The following MCTP2 variants were observed in gnomAD, a reference collection of about 807,000 sequenced individuals.
The protein encoded by MCTP2 is multiple C2 and transmembrane domain-containing protein 2.
MCTP2 carries 132 observed loss-of-function variants against 111.6 expected under a neutral mutation model. That is an observed-to-expected ratio of 1.18 (90% CI 1.03 to 1.37). The LOEUF is 1.37. MCTP2 is among the 40% of genes most tolerant of loss of function. MCTP2 has a pLI of 0.00. For missense variants in MCTP2, 1,183 were observed against 1,067.9 expected, an observed-to-expected ratio of 1.11 and a Z score of -1.50; for synonymous variants, 395 against 387.7, an observed-to-expected ratio of 1.02 and a Z score of -0.22.
At chr15:94,352,185 C>A (rs2078341182) in intron 8 of MCTP2, among the ~76,000 whole-genome samples, 1 of 152,168 alleles carries the variant, frequency 6.6e-6, no homozygotes, top group Non-Finnish European at 1.5e-5. Flanking sequence ...ATGAGGATTC[C>A]CTACCTGTTT....
At chr15:94,355,083 G>A (rs2078542566) in intron 8 of MCTP2, among the ~76,000 whole-genome samples, 1 of 151,902 alleles carries the variant, frequency 6.6e-6, no homozygotes, top group African/African-American at 2.4e-5. Flanking sequence ...TGGATCATGT[G>A]GGGATCCCGA....
intron 1 of MCTP2, among the ~76,000 whole-genome samples, chr15:94,297,960 C>A (rs2075352510): frequency 6.6e-6 from 1 of 151,352 alleles, no homozygotes; most frequent in Non-Finnish European, 1.5e-5. Flanking sequence ...CTTATCATCT[C>A]ATTCTTCGTT....
At chr15:94,380,607 A>G (rs1639266848) in intron 12 of MCTP2, among the ~76,000 whole-genome samples, 1 of 152,074 alleles carries the variant, frequency 6.6e-6, no homozygotes, top group Non-Finnish European at 1.5e-5. Context: ...GTCTCCACTA[A>G]AAATACAAAA....
intron 1 of MCTP2, among the ~76,000 whole-genome samples, chr15:94,270,266 A>G (rs1027781981): frequency 3.3e-5 from 5 of 152,300 alleles, no homozygotes; most frequent in East Asian, 3.9e-4. Flanking sequence ...AGAGGCTTCA[A>G]TTTCGGGCAC....
intron 1 of MCTP2, among the ~76,000 whole-genome samples, chr15:94,255,039 A>AT (rs1050069513): frequency 2.0e-5 from 3 of 152,188 alleles, no homozygotes; most frequent in Admixed American, 6.5e-5. Context: ...TGGAGACACA[A>AT]TTTTTTAGAA....
chr15:94,476,185 A>G (rs1023716714), intron 21 of MCTP2, among the ~76,000 whole-genome samples: 2 of 151,852 alleles, frequency 1.3e-5, no homozygotes, highest in Non-Finnish European at 2.9e-5. Context: ...CAAGAAAACA[A>G]CTCCCGCCCT....
At chr15:94,338,803 C>A (rs2077494246) in intron 4 of MCTP2, among the ~76,000 whole-genome samples, 2 of 152,308 alleles carry the variant, frequency 1.3e-5, no homozygotes, top group South Asian at 4.1e-4. Context: ...TCACTTGTAG[C>A]CCCATCGTGC....
At chr15:94,427,588 A>G (rs1460221928) in intron 17 of MCTP2, among the ~76,000 whole-genome samples, 1 of 152,174 alleles carries the variant, frequency 6.6e-6, no homozygotes, top group Non-Finnish European at 1.5e-5. Flanking sequence ...GTTCACCCGC[A>G]TGATTTAATC....
At position 94,483,779 on chromosome 15, in the gene MCTP2, A is replaced by T. The variant is rs1450626431; in HGVS notation, c.*4745A>T. 5 of 152,146 alleles carry T rather than the reference A, an allele frequency of 3.3e-5. No homozygotes were observed. The highest frequency in any genetic ancestry group is 5.9e-5 in the Non-Finnish European group (4 of 68,016). The allele number at this position is 152,146 out of a possible 1,614,324, so 9.4% of individuals were successfully genotyped here. A position where few individuals can be genotyped will look rare whatever the true frequency, so the allele number is the denominator to read the frequency against. ...AGGCTTAATACATGGGCGATGAAAT[A>T]ATCTGTATGACAAGCCTCTCTGACA... On this transcript the variant is annotated 3_prime_UTR_variant, in exon 23 of 23. Transcript: ENST00000357742.
At chr15:94,464,707 TATTCTC>T (rs2073120617) in intron 20 of MCTP2, among the ~76,000 whole-genome samples, 1 of 152,062 alleles carries the variant, frequency 6.6e-6, no homozygotes, top group Non-Finnish European at 1.5e-5. Flanking sequence ...TGGCATGTAA[TATTCTC>T]ATTATCATTC....
intron 1 of MCTP2, among the ~76,000 whole-genome samples, chr15:94,236,456 T>A (rs1280222343): frequency 7.1e-6 from 1 of 140,142 alleles, no homozygotes. Flanking sequence ...GTACAGATAG[T>A]GACATGGATA....
chr15:94,331,956 G>A (rs2077151926), intron 4 of MCTP2, among the ~76,000 whole-genome samples: 1 of 152,216 alleles, frequency 6.6e-6, no homozygotes, highest in Non-Finnish European at 1.5e-5. Context: ...GAAGCATGCG[G>A]CCCTTATCTG....
At chr15:94,314,141 C>A in intron 2 of MCTP2, 141 bp from the exon 3 acceptor site, 1 of 601,436 alleles carries the variant, frequency 1.7e-6, no homozygotes, top group Non-Finnish European at 3.0e-6. Flanking sequence ...CTCCTTGCCA[C>A]ACAAACAGGA....
chr15:94,239,019 AAAAAG>A (rs1418993517), intron 1 of MCTP2, among the ~76,000 whole-genome samples: 40 of 151,924 alleles, frequency 2.6e-4, no homozygotes, highest in Admixed American at 9.2e-4. Context: ...AAAAAAAAAA[AAAAAG>A]AAAAGAAAAA....
chr15:94,348,324 A>T (rs1488142115), intron 8 of MCTP2, among the ~76,000 whole-genome samples: 1 of 134,212 alleles, frequency 7.5e-6, no homozygotes, highest in African/African-American at 2.8e-5. Flanking sequence ...GAGGGAATCA[A>T]TCTCCCTTCC....
At chr15:94,405,968 A>G (rs2081876768) in intron 17 of MCTP2, among the ~76,000 whole-genome samples, 2 of 152,218 alleles carry the variant, frequency 1.3e-5, no homozygotes, top group Admixed American at 1.3e-4. Flanking sequence ...GACTTAGTGA[A>G]TGAGGCCAAA....
intron 17 of MCTP2, among the ~76,000 whole-genome samples, chr15:94,404,938 G>A (rs1210506171): frequency 2.0e-5 from 3 of 152,192 alleles, no homozygotes; most frequent in African/African-American, 7.2e-5. Context: ...TTGACAGAAT[G>A]CTGCTTGGTG....
chr15:94,245,481 TAC>T (rs1220887419), intron 1 of MCTP2, among the ~76,000 whole-genome samples: 6 of 140,920 alleles, frequency 4.3e-5, no homozygotes, highest in African/African-American at 1.5e-4. Context: ...TATGTATATA[TAC>T]ATACATGTAT....
intron 19 of MCTP2, 35 bp downstream of exon 19, chr15:94,442,995 AC>A (rs1567716770): frequency 1.9e-6 from 3 of 1,598,534 alleles, no homozygotes; most frequent in Non-Finnish European, 2.6e-6. Context: ...ACACAAAAAA[AC>A]ACTAGTGTTG....
Sources: gnomAD v4.1 joint callset for allele counts (sites outside exome capture counted in the v4.1 genomes callset) on GRCh38, gnomAD v4.1.1 for gene constraint, MANE v1.5 for transcripts, NCBI Gene and HGNC (gene_info 2026-07-23, HGNC 2026-07-21) for gene names.